The following RNLS variants were observed in gnomAD, a reference collection of about 807,000 sequenced individuals.
RNLS encodes renalase, FAD dependent amine oxidase, also known as renalase.
In RNLS, 39 loss-of-function variants were observed where a neutral mutation model predicts 39.8. The ratio of observed to expected loss-of-function variants is 0.98; its 90% CI spans 0.76 to 1.28. The LOEUF (loss-of-function observed/expected upper bound fraction) is 1.28, where lower values mean the gene tolerates loss of function less well. Among genes scored for constraint, RNLS ranks in the 50% most tolerant of loss-of-function variants. The pLI is 0.00. For synonymous variants in RNLS, 147 were observed against 150.7 expected (o/e 0.98, Z 0.18); for missense variants, 410 against 413.3 (o/e 0.99, Z 0.07).
chr10:88,371,192 A>T (rs895693245), intron 4 of RNLS, among the ~76,000 whole-genome samples: 2 of 152,138 alleles, frequency 1.3e-5, no homozygotes, highest in African/African-American at 4.8e-5. Flanking sequence ...AAAAAAAATT[A>T]AACAAGATAA....
At chr10:88,482,802 T>A (rs985287539) in intron 4 of RNLS, among the ~76,000 whole-genome samples, 4 of 152,116 alleles carry the variant, frequency 2.6e-5, no homozygotes, top group African/African-American at 9.7e-5. Context: ...TGAAAGTAGT[T>A]GTTGTTTTTT....
chr10:88,390,263 C>T (rs1852112887), intron 4 of RNLS, among the ~76,000 whole-genome samples: 1 of 152,208 alleles, frequency 6.6e-6, no homozygotes. Context: ...CTGGGTCACA[C>T]ACCACAGGGA....
chr10:88,288,182 G>T (rs1422393862), intron 6 of RNLS, among the ~76,000 whole-genome samples: 1 of 152,076 alleles, frequency 6.6e-6, no homozygotes, highest in Non-Finnish European at 1.5e-5. Flanking sequence ...TGCTGTATAT[G>T]CACACCCCAT....
intron 4 of RNLS, among the ~76,000 whole-genome samples, chr10:88,439,444 T>G (rs558597738): frequency 6.6e-6 from 1 of 152,210 alleles, no homozygotes; most frequent in Non-Finnish European, 1.5e-5. Flanking sequence ...CCTGCCACTA[T>G]GCTTTTGTTT....
At position 88,367,171 on chromosome 10, in the gene RNLS, G is replaced by A. The variant is rs527772117; in HGVS notation, c.527-4446C>T. ...AGTGAACACATCTGTAAAACTGGCA[G>A]TCAGATCAAGAAACAGAGCATTACC... is the stretch of plus-strand genomic sequence containing the variant. On this transcript the variant is annotated intron_variant, in intron 4 of 6. Coordinates refer to ENST00000331772, the MANE Select transcript of RNLS (RefSeq NM_001031709.3). 6.6e-5 allele frequency among the ~76,000 whole-genome samples: 10 copies of A among 152,136 alleles called. No individual in the cohort carries two copies. In the South Asian group the frequency reaches 8.3e-4, roughly 13 times the overall value.
chr10:88,500,230 G>A (rs1845398912), intron 4 of RNLS, among the ~76,000 whole-genome samples: 2 of 152,226 alleles, frequency 1.3e-5, no homozygotes, highest in South Asian at 4.1e-4. Flanking sequence ...TGAACAGAAG[G>A]TCACTGATTC....
At chr10:88,458,818 C>T (rs1338916807) in intron 4 of RNLS, among the ~76,000 whole-genome samples, 1 of 152,058 alleles carries the variant, frequency 6.6e-6, no homozygotes, top group Non-Finnish European at 1.5e-5. Context: ...TCTAGTTTTG[C>T]TTTGGTTTAT....
At chr10:88,275,023 C>T (rs770414301) in exon 7 of RNLS, 17 of 1,612,970 alleles carry the variant, frequency 1.1e-5, no homozygotes, top group Non-Finnish European at 1.2e-5. Flanking sequence ...ATCACACCAG[C>T]ACTTGGTACC....
the RNLS span, among the ~76,000 whole-genome samples, chr10:88,194,973 G>C: frequency 6.6e-6 from 1 of 152,066 alleles, no homozygotes; most frequent in African/African-American, 2.4e-5. Context: ...TATGTTCATG[G>C]AAAACAAAAA....
At chr10:88,358,667 T>C (rs1208519487) in intron 5 of RNLS, among the ~76,000 whole-genome samples, 4 of 152,246 alleles carry the variant, frequency 2.6e-5, no homozygotes, top group Admixed American at 2.0e-4. Context: ...TTCATAACTA[T>C]TGTTACTTGA....
chr10:88,182,339 T>C, the RNLS span, among the ~76,000 whole-genome samples: 1 of 152,138 alleles, frequency 6.6e-6, no homozygotes, highest in Non-Finnish European at 1.5e-5. Context: ...TAGAATGGCA[T>C]AAAGTTTAAA....
intron 4 of RNLS, among the ~76,000 whole-genome samples, chr10:88,437,415 C>A (rs1162356031): frequency 6.6e-6 from 1 of 152,088 alleles, no homozygotes; most frequent in Non-Finnish European, 1.5e-5. Context: ...TATTTTAGAA[C>A]CAAGATATTT....
At chr10:88,444,300 C>A (rs900572378) in intron 4 of RNLS, among the ~76,000 whole-genome samples, 3 of 152,096 alleles carry the variant, frequency 2.0e-5, no homozygotes, top group African/African-American at 7.2e-5. Flanking sequence ...GAAAGGACAT[C>A]CACACCAAAA....
At chr10:88,202,378 A>G in the RNLS span, among the ~76,000 whole-genome samples, 4 of 152,116 alleles carry the variant, frequency 2.6e-5, no homozygotes, top group African/African-American at 4.8e-5. Context: ...CAGCACACCA[A>G]CATGGCACAC....
At position 88,355,076 on chromosome 10, in the gene RNLS, A is replaced by G. The variant is rs146542958; in HGVS notation, c.700+7476T>C. ...GTTTTCAGCTCCATCAGGTCCTTTA[A>G]GGACTTCTCTGCATTGGTTATTCTA... On this transcript the variant is annotated intron_variant, in intron 5 of 6. Transcript: ENST00000331772. Among the ~76,000 whole-genome samples the G allele has an allele frequency of 8.2e-3, 1,251 of 152,210 alleles. 22 individuals carry two copies. The highest frequency in any genetic ancestry group is 0.029 in the South Asian group (139 of 4,818).
At chr10:88,384,620 A>C (rs1367702319) in intron 4 of RNLS, among the ~76,000 whole-genome samples, 1 of 152,254 alleles carries the variant, frequency 6.6e-6, no homozygotes, top group Non-Finnish European at 1.5e-5. Flanking sequence ...TAATTACTAT[A>C]TAGAAAGCAC....
chr10:88,285,842 C>T (rs1322227848), intron 6 of RNLS, among the ~76,000 whole-genome samples: 1 of 152,020 alleles, frequency 6.6e-6, no homozygotes, highest in Non-Finnish European at 1.5e-5. Context: ...GAAGTCCTAA[C>T]CCCCGAGGTG....
intron 4 of RNLS, among the ~76,000 whole-genome samples, chr10:88,540,039 A>C (rs919752534): frequency 7.9e-5 from 12 of 152,168 alleles, no homozygotes; most frequent in Non-Finnish European, 4.4e-5. Context: ...TGTGGTAAAA[A>C]GTATCTCAAA....
chr10:88,531,337 A>T (rs1248541749), intron 4 of RNLS, among the ~76,000 whole-genome samples: 1 of 151,246 alleles, frequency 6.6e-6, no homozygotes, highest in Non-Finnish European at 1.5e-5. Flanking sequence ...ACTATAAGGG[A>T]ATGTTTTTTA....
Sources: gnomAD v4.1 joint callset for allele counts (sites outside exome capture counted in the v4.1 genomes callset) on GRCh38, gnomAD v4.1.1 for gene constraint, MANE v1.5 for transcripts, NCBI Gene and HGNC (gene_info 2026-07-23, HGNC 2026-07-21) for gene names.